PCDHA10: variants seen among roughly 807,000 people sequenced by gnomAD.
PCDHA10 encodes protocadherin alpha 10.
A neutral mutation model predicts 61.2 loss-of-function variants in PCDHA10; 45 were observed. The ratio of observed to expected loss-of-function variants is 0.74; its 90% CI spans 0.58 to 0.94. The LOEUF (loss-of-function observed/expected upper bound fraction) is 0.94. Among genes scored for constraint, PCDHA10 ranks in the 40% least tolerant of loss-of-function variants. The pLI is 0.00. For missense variants in PCDHA10, 1,278 were observed against 1,236.2 expected (o/e 1.03, Z -0.51); for synonymous variants, 602 against 548.8 (o/e 1.10, Z -1.35).
intron 1 of PCDHA10, chr5:140,868,989 C>T (rs1280457697): frequency 1.3e-6 from 2 of 1,506,850 alleles, no homozygotes; most frequent in Non-Finnish European, 1.8e-6. Context: ...CGGATGCCAC[C>T]GTTTAAGGAT....
intron 1 of PCDHA10, chr5:140,871,576 G>A (rs1554165757): frequency 4.1e-6 from 6 of 1,475,680 alleles, no homozygotes; most frequent in Non-Finnish European, 5.4e-6. Flanking sequence ...GATTTTTTAA[G>A]GGAAAGTTTT....
intron 1 of PCDHA10, among the ~76,000 whole-genome samples, chr5:140,873,723 CAA>C (rs1554166874): frequency 6.6e-6 from 1 of 152,158 alleles, no homozygotes; most frequent in Non-Finnish European, 1.5e-5. Context: ...TGCAGTGGCG[CAA>C]TCTCAGCTCA....
At chr5:140,868,198 C>T (rs1220217511) in intron 1 of PCDHA10, 2 of 152,058 alleles carry the variant, frequency 1.3e-5, no homozygotes, top group East Asian at 1.9e-4. Context: ...CTATGGCTTA[C>T]ATTAGAAATA....
chr5:140,860,498 A>G (rs1440089357), intron 1 of PCDHA10: 3 of 152,224 alleles, frequency 2.0e-5, no homozygotes, highest in Non-Finnish European at 4.4e-5. Flanking sequence ...GGATGTCTAC[A>G]TACAAGATAA....
At chr5:140,908,706 T>C (rs2074108716) in intron 1 of PCDHA10, among the ~76,000 whole-genome samples, 1 of 152,132 alleles carries the variant, frequency 6.6e-6, no homozygotes, top group South Asian at 2.1e-4. Context: ...TCAAGCACCA[T>C]TGGATCTGCT....
rs782133089 is a variant in PCDHA10, at chr5:140,924,894, C to CAAAAA, written c.2389-54048_2389-54044dup. Among the ~76,000 whole-genome samples, 201 of 71,494 alleles carry CAAAAA rather than the reference C, an allele frequency of 2.8e-3. 5 individuals are homozygous for CAAAAA. In the East Asian group the frequency reaches 0.084, roughly 30 times the overall value. The allele number at this position is 71,494 out of a possible 152,430, so 46.9% of individuals were successfully genotyped here. On this transcript the variant is annotated intron_variant, in intron 1 of 3. Coordinates refer to ENST00000307360, the MANE Select transcript of PCDHA10 (RefSeq NM_018901.4). ...TGGGTGACAGAGCAAGAACCTGTCT[C>CAAAAA]AAAAAAAAAAATAAAATAAAATAAA...
At chr5:140,994,726 G>A (rs774837274) in intron 3 of PCDHA10, among the ~76,000 whole-genome samples, 1 of 151,958 alleles carries the variant, frequency 6.6e-6, no homozygotes, top group Non-Finnish European at 1.5e-5. Flanking sequence ...TAAAATACTG[G>A]GTATTGCAGG....
chr5:140,918,989 GTGT>G (rs2078966617), intron 1 of PCDHA10, among the ~76,000 whole-genome samples: 1 of 152,178 alleles, frequency 6.6e-6, no homozygotes, highest in Non-Finnish European at 1.5e-5. Context: ...TTGGTTTTTA[GTGT>G]TGTTCACATC....
At chr5:140,877,388 A>G (rs1186041410) in intron 1 of PCDHA10, 14 of 1,613,802 alleles carry the variant, frequency 8.7e-6, no homozygotes, top group Non-Finnish European at 1.2e-5. Flanking sequence ...ATCCTGGATG[A>G]GGCGGACGCT....
At chr5:140,903,515 G>T (rs542642607) in intron 1 of PCDHA10, among the ~76,000 whole-genome samples, 1 of 152,244 alleles carries the variant, frequency 6.6e-6, no homozygotes, top group Non-Finnish European at 1.5e-5. Context: ...TAGTTCTATT[G>T]TGTTGTTCAC....
At chr5:140,945,366 T>A (rs1367581632) in intron 1 of PCDHA10, among the ~76,000 whole-genome samples, 6 of 152,036 alleles carry the variant, frequency 3.9e-5, no homozygotes, top group Non-Finnish European at 8.8e-5. Context: ...GTTTAAAATG[T>A]CCATATTACC....
chr5:140,952,571 C>G (rs571628495), intron 1 of PCDHA10, among the ~76,000 whole-genome samples: 2 of 152,252 alleles, frequency 1.3e-5, no homozygotes, highest in East Asian at 3.9e-4. Flanking sequence ...ACTTCGGTCC[C>G]AATCATTCAA....
At chr5:140,983,299 A>T (rs1554245269) in intron 3 of PCDHA10, among the ~76,000 whole-genome samples, 1 of 152,186 alleles carries the variant, frequency 6.6e-6, no homozygotes. Flanking sequence ...GCTTAAACTC[A>T]CATTTGCTTG....
chr5:140,928,426 T>G (rs1563104997), intron 1 of PCDHA10: 2 of 1,614,134 alleles, frequency 1.2e-6, no homozygotes, highest in Non-Finnish European at 1.7e-6. Context: ...TGCCAAAACT[T>G]CCTTTGACTT....
intron 1 of PCDHA10, among the ~76,000 whole-genome samples, chr5:140,913,400 C>T (rs2076319870): frequency 6.6e-6 from 1 of 152,108 alleles, no homozygotes; most frequent in South Asian, 2.1e-4. Context: ...CACTAATGAT[C>T]CTTTGAATTC....
At chr5:140,945,372 T>C (rs1554216918) in intron 1 of PCDHA10, among the ~76,000 whole-genome samples, 1 of 152,088 alleles carries the variant, frequency 6.6e-6, no homozygotes, top group Non-Finnish European at 1.5e-5. Flanking sequence ...AATGTCCATA[T>C]TACCCAAAGC....
chr5:140,924,902 A>AAAAAT (rs1554202311), intron 1 of PCDHA10, among the ~76,000 whole-genome samples: 1 of 39,026 alleles, frequency 2.6e-5, no homozygotes, highest in Non-Finnish European at 6.3e-5. Context: ...CTCAAAAAAA[A>AAAAAT]AAATAAAATA....
At position 140,906,503 on chromosome 5, in the gene PCDHA10, AAAG is replaced by A. The variant is rs537708204; in HGVS notation, c.2388+48071_2388+48073del. Among the ~76,000 whole-genome samples the A allele has an allele frequency of 2.0e-5, 3 of 152,376 alleles. No homozygotes were observed. The South Asian group carries it at 6.2e-4, about 32-fold the overall frequency. On this transcript the variant is annotated intron_variant, in intron 1 of 3. Transcript: ENST00000307360. The stretch of plus-strand genomic sequence containing the variant: ...ATAAATGCACAAACATGTTTTTAAC[AAAG>A]AAGGAGGAAATACTCACGACAATTA...
At chr5:141,005,304 A>G (rs2098205361) in intron 3 of PCDHA10, among the ~76,000 whole-genome samples, 1 of 152,200 alleles carries the variant, frequency 6.6e-6, no homozygotes, top group Non-Finnish European at 1.5e-5. Context: ...GCCTTTGTGA[A>G]TCTTACAGTG....
Sources: allele counts gnomAD v4.1 joint callset (sites outside exome capture counted in the v4.1 genomes callset), GRCh38; gene constraint gnomAD v4.1.1; transcripts MANE v1.5; gene names NCBI Gene and HGNC (gene_info 2026-07-23, HGNC 2026-07-21).